Variants in CHD6 observed in about 807,000 individuals in gnomAD.
The protein encoded by CHD6 is chromodomain helicase DNA binding protein 6, also known as ATP-dependent chromatin remodeler CHD6.
In CHD6, 50 loss-of-function variants were observed where a neutral mutation model predicts 276.9. The ratio of observed to expected loss-of-function variants is 0.18; its 90% CI spans 0.14 to 0.23. The LOEUF is 0.23. Among genes scored for constraint, CHD6 ranks in the 10% least tolerant of loss-of-function variants. The pLI, the probability that CHD6 is intolerant of heterozygous loss-of-function variation, is 1.00. For synonymous variants in CHD6, 1,173 were observed against 1,229.3 expected (o/e 0.95, Z 0.96); for missense variants, 2,564 against 3,365.8 (o/e 0.76, Z 5.89).
intron 10 of CHD6, among the ~76,000 whole-genome samples, chr20:41,492,459 C>T (rs939646892): frequency 3.9e-5 from 6 of 152,090 alleles, no homozygotes; most frequent in African/African-American, 9.7e-5. Flanking sequence ...TTTAATGTTC[C>T]GAGTATCAAC....
intron 1 of CHD6, among the ~76,000 whole-genome samples, chr20:41,617,533 G>C (rs1292849091): frequency 6.6e-6 from 1 of 152,150 alleles, no homozygotes; most frequent in Non-Finnish European, 1.5e-5. Context: ...CTGCACATCC[G>C]ATAGGCATGT....
At chr20:41,586,737 T>C (rs1306534845) in intron 1 of CHD6, among the ~76,000 whole-genome samples, 1 of 152,188 alleles carries the variant, frequency 6.6e-6, no homozygotes, top group East Asian at 1.9e-4. Context: ...AAAAACCCCA[T>C]GGTCATCGTG....
chr20:41,458,005 A>G (rs2048428935), intron 17 of CHD6, among the ~76,000 whole-genome samples: 1 of 152,070 alleles, frequency 6.6e-6, no homozygotes, highest in African/African-American at 2.4e-5. Context: ...TAAAATATAT[A>G]TTATTATCAT....
At chr20:41,453,230 C>T (rs570387442) in intron 20 of CHD6, among the ~76,000 whole-genome samples, 8 of 152,144 alleles carry the variant, frequency 5.3e-5, no homozygotes, top group African/African-American at 7.2e-5. Flanking sequence ...AAGGCCCCCC[C>T]CCAGTGACCA....
intron 31 of CHD6, among the ~76,000 whole-genome samples, chr20:41,417,703 C>T (rs1295718855): frequency 7.9e-5 from 12 of 152,168 alleles, no homozygotes; most frequent in Admixed American, 5.9e-4. Context: ...GAAAGCTGAA[C>T]ATTCTAACAC....
rs551249691 is a variant in CHD6 at position 41,512,028 on chromosome 20, C to T, written c.852+818G>A. On this transcript the variant is annotated intron_variant, in intron 5 of 36. Coordinates refer to ENST00000373233, the MANE Select transcript of CHD6 (RefSeq NM_032221.5). Reference sequence around the variant, plus strand: ...TGTCACCCAGGCTGGAGTATAATGACGCGATCTTGGCTCACTGCAACCTCT... The same window carrying T: ...TGTCACCCAGGCTGGAGTATAATGATGCGATCTTGGCTCACTGCAACCTCT... 5.3e-4 allele frequency among the ~76,000 whole-genome samples: 80 copies of T among 152,090 alleles called. 1 individual carries two copies. Among genetic ancestry groups the T allele is most frequent in the African/African-American group, 1.6e-3 (66 of 41,502 alleles).
At position 41,404,033 on chromosome 20, in the gene CHD6, T is replaced by C; in HGVS notation, c.*560A>G. On this transcript the variant is annotated 3_prime_UTR_variant, in exon 37 of 37. Transcript: ENST00000373233. ...TTTGTTTTTTATAAAGAAATGAATA[T>C]ATGTATTTTCAACCATTAGTTATAT... 1 of 1,048,122 alleles carries C rather than the reference T, an allele frequency of 9.5e-7. No individual in the cohort carries two copies. The highest frequency in any genetic ancestry group is 5.5e-5 in the East Asian group (1 of 18,210). The allele number at this position is 1,048,122 out of a possible 1,614,324, so 64.9% of individuals were successfully genotyped here.
chr20:41,595,898 A>C (rs2045712661), intron 1 of CHD6, among the ~76,000 whole-genome samples: 1 of 152,004 alleles, frequency 6.6e-6, no homozygotes, highest in Admixed American at 6.6e-5. Flanking sequence ...GAGGAAATAG[A>C]CTATGCCCTG....
chr20:41,510,147 G>A (rs1030595830), intron 5 of CHD6, among the ~76,000 whole-genome samples: 5 of 152,130 alleles, frequency 3.3e-5, no homozygotes, highest in Admixed American at 1.3e-4. Flanking sequence ...CCGGGAGAAG[G>A]ATATAGGAAA....
chr20:41,488,321 G>T, intron 13 of CHD6, 107 bp downstream of exon 13: 2 of 1,068,946 alleles, frequency 1.9e-6, no homozygotes, highest in South Asian at 1.7e-5. Context: ...AAAATCTAAT[G>T]TAAAACGACT....
At chr20:41,471,346 TTA>T (rs1420541242) in intron 17 of CHD6, among the ~76,000 whole-genome samples, 3 of 152,214 alleles carry the variant, frequency 2.0e-5, no homozygotes, top group African/African-American at 7.2e-5. Flanking sequence ...TATTATTATT[TTA>T]GTGTTGAGTG....
intron 28 of CHD6, 36 bp from the exon 29 acceptor site, chr20:41,425,430 CAG>C (rs2047331874): frequency 2.5e-6 from 4 of 1,572,166 alleles, no homozygotes; most frequent in Non-Finnish European, 3.5e-6. Context: ...TATTTACAAA[CAG>C]AACTAAAACA....
chr20:41,610,641 G>A (rs896778314), intron 1 of CHD6, among the ~76,000 whole-genome samples: 2 of 152,096 alleles, frequency 1.3e-5, no homozygotes, highest in Non-Finnish European at 2.9e-5. Flanking sequence ...GGCACCTGTA[G>A]TCCCAGCTAC....
chr20:41,457,794 A>G (rs1298555226), intron 17 of CHD6, among the ~76,000 whole-genome samples: 1 of 152,146 alleles, frequency 6.6e-6, no homozygotes, highest in Non-Finnish European at 1.5e-5. Flanking sequence ...TAGCACTGAA[A>G]ATTTATTTTT....
intron 1 of CHD6, among the ~76,000 whole-genome samples, chr20:41,574,147 G>A (rs1421064089): frequency 6.6e-6 from 1 of 150,896 alleles, no homozygotes; most frequent in Non-Finnish European, 1.5e-5. Flanking sequence ...GGAAGTGGGG[G>A]TGGGGGAGGA....
chr20:41,531,806 C>A (rs147535314), intron 3 of CHD6, among the ~76,000 whole-genome samples: 2 of 152,210 alleles, frequency 1.3e-5, no homozygotes, highest in African/African-American at 2.4e-5. Flanking sequence ...GTAAACTCCA[C>A]GTTGCAACAC....
intron 3 of CHD6, among the ~76,000 whole-genome samples, chr20:41,524,687 TACTGACATCCTGATAG>T (rs2044485693): frequency 6.6e-6 from 1 of 152,192 alleles, no homozygotes; most frequent in South Asian, 2.1e-4. Context: ...AAGCAATGGC[TACTGACATCCTGATAG>T]GAAAGTTGAT....
intron 3 of CHD6, among the ~76,000 whole-genome samples, chr20:41,516,997 C>T (rs1437709261): frequency 2.0e-5 from 3 of 152,126 alleles, no homozygotes; most frequent in South Asian, 2.1e-4. Flanking sequence ...ATCAAGCACA[C>T]GAACCAGCCA....
chr20:41,604,612 T>C (rs2045808715), intron 1 of CHD6, among the ~76,000 whole-genome samples: 1 of 152,170 alleles, frequency 6.6e-6, no homozygotes, highest in Non-Finnish European at 1.5e-5. Flanking sequence ...GGAAAATAAC[T>C]GTCCAGATAA....
Sources: gnomAD v4.1 joint callset for allele counts (sites outside exome capture counted in the v4.1 genomes callset) on GRCh38, gnomAD v4.1.1 for gene constraint, MANE v1.5 for transcripts, NCBI Gene and HGNC (gene_info 2026-07-23, HGNC 2026-07-21) for gene names.